The following EBF2 variants were observed in gnomAD, a reference collection of about 807,000 sequenced individuals.
EBF2 encodes EBF transcription factor 2.
EBF2 carries 21 observed loss-of-function variants against 72.8 expected under a neutral mutation model. The ratio of observed to expected loss-of-function variants is 0.29; its 90% CI spans 0.20 to 0.42. The LOEUF (loss-of-function observed/expected upper bound fraction) is 0.42. EBF2 is among the 10% of genes least tolerant of loss of function. The pLI is 1.00. For missense variants in EBF2, 637 were observed against 731.2 expected, an observed-to-expected ratio of 0.87 and a Z score of 1.49; for synonymous variants, 299 against 274.2, an observed-to-expected ratio of 1.09 and a Z score of -0.89.
chr8:26,015,769 T>C (rs970469555), intron 6 of EBF2, among the ~76,000 whole-genome samples: 7 of 152,204 alleles, frequency 4.6e-5, no homozygotes, highest in East Asian at 1.9e-4. Flanking sequence ...TGTCCAACCA[T>C]CACTGCATTT....
At chr8:25,943,358 A>G (rs1459293044) in intron 6 of EBF2, among the ~76,000 whole-genome samples, 3 of 151,734 alleles carry the variant, frequency 2.0e-5, no homozygotes, top group South Asian at 2.1e-4. Flanking sequence ...GAAAGAAAAA[A>G]ATTTAGTCGG....
At chr8:25,969,535 G>A (rs185042176) in intron 6 of EBF2, among the ~76,000 whole-genome samples, 127 of 152,314 alleles carry the variant, frequency 8.3e-4, no homozygotes, top group Admixed American at 2.2e-3. Context: ...CACCTATCCC[G>A]GGAGGACACT....
intron 7 of EBF2, among the ~76,000 whole-genome samples, chr8:25,900,390 C>T (rs1010974287): frequency 6.6e-6 from 1 of 152,122 alleles, no homozygotes; most frequent in African/African-American, 2.4e-5. Context: ...GCCCAAAAGA[C>T]CAAGGCTGTA....
chr8:25,862,640 C>T (rs1021370298), intron 11 of EBF2, 69 bp downstream of exon 11: 1 of 1,309,726 alleles, frequency 7.6e-7, no homozygotes, highest in Non-Finnish European at 1.1e-6. Flanking sequence ...ATGTAAATGC[C>T]TGCATTTGTC....
At chr8:25,857,495 C>T (rs146227608) in intron 14 of EBF2, among the ~76,000 whole-genome samples, 5 of 152,260 alleles carry the variant, frequency 3.3e-5, no homozygotes, top group Non-Finnish European at 7.4e-5. Context: ...CCCAGCATTT[C>T]GAGAACACTC....
chr8:25,921,770 A>G (rs956382996), intron 6 of EBF2, among the ~76,000 whole-genome samples: 1 of 152,234 alleles, frequency 6.6e-6, no homozygotes, highest in Non-Finnish European at 1.5e-5. Flanking sequence ...GCTCCTAAGT[A>G]GATGTCCAGA....
At chr8:26,010,906 C>A (rs1404196046) in intron 6 of EBF2, among the ~76,000 whole-genome samples, 1 of 151,972 alleles carries the variant, frequency 6.6e-6, no homozygotes, top group Non-Finnish European at 1.5e-5. Flanking sequence ...TAGCTATTTA[C>A]CTGCCTGCAC....
chr8:26,002,876 AGGCG>A (rs1308952701), intron 6 of EBF2, among the ~76,000 whole-genome samples: 3 of 93,080 alleles, frequency 3.2e-5, no homozygotes, highest in East Asian at 2.9e-4. Context: ...GCAGGCGGGC[AGGCG>A]GGCAGGCGGG....
chr8:25,862,814 C>T lies in EBF2; in HGVS notation c.1010-17G>A, dbSNP rs1297433569. 1.3e-6 allele frequency: 2 copies of T among 1,565,450 alleles called. No individual in the cohort carries two copies. Among genetic ancestry groups the T allele is most frequent in the East Asian group, 2.3e-5 (1 of 43,768 alleles). On this transcript the variant is annotated splice_polypyrimidine_tract_variant and intron_variant, in intron 10 of 15. Coordinates refer to ENST00000520164, the MANE Select transcript of EBF2 (RefSeq NM_022659.4). The stretch of plus-strand genomic sequence containing the variant: ...CATTTAATGCTGAAAGAGAAAAGTC[C>T]TCTTTCTGAGTTGGTATCCTGGCTA...
chr8:25,956,963 G>A (rs767880081), intron 6 of EBF2, among the ~76,000 whole-genome samples: 5 of 152,142 alleles, frequency 3.3e-5, no homozygotes, highest in African/African-American at 9.7e-5. Context: ...CCAGATTGAC[G>A]CATTACCCAC....
At chr8:25,962,741 A>T (rs1804054811) in intron 6 of EBF2, among the ~76,000 whole-genome samples, 1 of 152,226 alleles carries the variant, frequency 6.6e-6, no homozygotes, top group Admixed American at 6.5e-5. Flanking sequence ...AAAATGATTT[A>T]CAGACAGTTT....
intron 14 of EBF2, among the ~76,000 whole-genome samples, chr8:25,857,242 A>C (rs149265441): frequency 1.3e-5 from 2 of 152,050 alleles, no homozygotes; most frequent in African/African-American, 4.8e-5. Flanking sequence ...GCTTGGTGCT[A>C]TATCTTTATC....
intron 14 of EBF2, among the ~76,000 whole-genome samples, 188 bp from the exon 15 acceptor site, chr8:25,850,949 C>G (rs1563373934): frequency 6.6e-6 from 1 of 151,908 alleles, no homozygotes; most frequent in Non-Finnish European, 1.5e-5. Flanking sequence ...CATAAAACAA[C>G]TAATATGGTA....
intron 6 of EBF2, among the ~76,000 whole-genome samples, chr8:25,939,200 T>A (rs1803629118): frequency 6.6e-6 from 1 of 152,232 alleles, no homozygotes; most frequent in African/African-American, 2.4e-5. Context: ...TTTTCTTAGT[T>A]CCTTTCTTTT....
chr8:25,846,931 T>A (rs1022032318), intron 15 of EBF2, among the ~76,000 whole-genome samples: 1 of 152,118 alleles, frequency 6.6e-6, no homozygotes, highest in Admixed American at 6.5e-5. Context: ...ATAATCTCCC[T>A]TTGAACCAGG....
chr8:25,977,547 TAGAAGAGCA>T (rs1426464588), intron 6 of EBF2, among the ~76,000 whole-genome samples: 8 of 152,038 alleles, frequency 5.3e-5, no homozygotes, highest in Middle Eastern at 3.2e-3. Context: ...AGAAGGTAAG[TAGAAGAGCA>T]AGAAGAGGAA....
At chr8:25,938,860 T>C (rs4872380) in intron 6 of EBF2, among the ~76,000 whole-genome samples, 134,281 of 152,020 alleles carry the variant, frequency 0.88, 59,369 homozygotes, top group African/African-American at 0.91. Flanking sequence ...CTAAGTCACC[T>C]GCACACCTCT....
intron 6 of EBF2, among the ~76,000 whole-genome samples, chr8:25,920,830 C>T (rs1364823624): frequency 2.0e-5 from 3 of 151,852 alleles, no homozygotes; most frequent in African/African-American, 7.3e-5. Flanking sequence ...TCTCTGCCTC[C>T]TCCTTTCTCA....
At chr8:25,934,275 A>T (rs1049817325) in intron 6 of EBF2, among the ~76,000 whole-genome samples, 5 of 138,086 alleles carry the variant, frequency 3.6e-5, no homozygotes, top group African/African-American at 1.4e-4. Context: ...ACACACACAC[A>T]CCAATCTTGT....
Sources: gnomAD v4.1 joint callset for allele counts (sites outside exome capture counted in the v4.1 genomes callset) on GRCh38, gnomAD v4.1.1 for gene constraint, MANE v1.5 for transcripts, NCBI Gene and HGNC (gene_info 2026-07-23, HGNC 2026-07-21) for gene names.